The following ATRNL1 variants were observed in gnomAD, a reference collection of about 807,000 sequenced individuals.
ATRNL1 encodes the protein attractin-like protein 1.
A neutral mutation model predicts 182.7 loss-of-function variants in ATRNL1; 95 were observed. That is an observed-to-expected ratio of 0.52 (90% CI 0.44 to 0.62). The LOEUF (loss-of-function observed/expected upper bound fraction) is 0.62. Among genes scored for constraint, ATRNL1 ranks in the 20% least tolerant of loss-of-function variants. ATRNL1 has a pLI of 0.00. For synonymous variants in ATRNL1, 576 were observed against 568.3 expected, an observed-to-expected ratio of 1.01 and a Z score of -0.19; for missense variants, 1,471 against 1,679.5, an observed-to-expected ratio of 0.88 and a Z score of 2.17.
chr10:115,394,524 A>G (rs1181957069), intron 19 of ATRNL1, 135 bp from the exon 20 acceptor site: 4 of 664,400 alleles, frequency 6.0e-6, no homozygotes, highest in Admixed American at 2.7e-5. Flanking sequence ...AATTTATACT[A>G]TCTGGTAACC....
chr10:115,563,909 A>G (rs1555000636), intron 26 of ATRNL1, among the ~76,000 whole-genome samples: 2 of 152,052 alleles, frequency 1.3e-5, no homozygotes, highest in Admixed American at 6.6e-5. Context: ...AAATAATATA[A>G]TTAGAAAAAA....
At chr10:115,624,809 TAAG>T (rs1555024143) in intron 26 of ATRNL1, among the ~76,000 whole-genome samples, 3 of 152,174 alleles carry the variant, frequency 2.0e-5, no homozygotes, top group African/African-American at 4.8e-5. Context: ...TAGGGGGTGA[TAAG>T]GAGATTATCT....
chr10:115,201,774 A>T (rs1490915840), intron 8 of ATRNL1, among the ~76,000 whole-genome samples: 1 of 152,126 alleles, frequency 6.6e-6, no homozygotes, highest in African/African-American at 2.4e-5. Flanking sequence ...GAAGAAAGTC[A>T]TTGGTAGCTT....
At chr10:115,601,870 A>G (rs1173873029) in intron 26 of ATRNL1, among the ~76,000 whole-genome samples, 1 of 151,994 alleles carries the variant, frequency 6.6e-6, no homozygotes, top group Non-Finnish European at 1.5e-5. Flanking sequence ...TAATGTAATT[A>G]TCTATACTAT....
At chr10:115,937,218 G>C (rs1209208982) in intron 28 of ATRNL1, among the ~76,000 whole-genome samples, 1 of 152,160 alleles carries the variant, frequency 6.6e-6, no homozygotes, top group Non-Finnish European at 1.5e-5. Flanking sequence ...TCTATAACTT[G>C]AGCAGTGTGT....
intron 19 of ATRNL1, among the ~76,000 whole-genome samples, chr10:115,339,187 T>C (rs1370495979): frequency 6.6e-6 from 1 of 152,136 alleles, no homozygotes. Context: ...TTTGGATAGC[T>C]TTGGCTATTC....
intron 25 of ATRNL1, among the ~76,000 whole-genome samples, chr10:115,531,603 C>A (rs1366778895): frequency 6.7e-6 from 1 of 150,280 alleles, no homozygotes; most frequent in Non-Finnish European, 1.5e-5. Flanking sequence ...ATGGTAGTTT[C>A]TTTTGCTGTG....
intron 26 of ATRNL1, among the ~76,000 whole-genome samples, chr10:115,626,420 T>C (rs1266241391): frequency 6.6e-6 from 1 of 152,206 alleles, no homozygotes; most frequent in Non-Finnish European, 1.5e-5. Context: ...TACTTTATTT[T>C]TGGGCATATT....
intron 26 of ATRNL1, among the ~76,000 whole-genome samples, chr10:115,641,033 T>C (rs1465057024): frequency 6.6e-6 from 1 of 152,168 alleles, no homozygotes; most frequent in Non-Finnish European, 1.5e-5. Flanking sequence ...TAGGGAATCC[T>C]TTCCCCATTG....
rs141690369 is a variant in ATRNL1 at position 115,345,530 on chromosome 10, C to T, written c.3175+11111C>T. On this transcript the variant is annotated intron_variant, in intron 19 of 28. Coordinates refer to ENST00000355044, the MANE Select transcript of ATRNL1 (RefSeq NM_207303.4). ...GAATTTTTAAGAAATCACTTCAGTG[C>T]CTCTTTCACTGATAGAAGTTAACAC... Among the ~76,000 whole-genome samples the T allele has an allele frequency of 2.6e-5, 4 of 152,268 alleles. No individual in the cohort carries two copies. In the East Asian group the frequency reaches 5.8e-4, roughly 22 times the overall value.
chr10:115,198,811 C>A (rs1476147192), intron 8 of ATRNL1, among the ~76,000 whole-genome samples: 1 of 152,134 alleles, frequency 6.6e-6, no homozygotes, highest in Non-Finnish European at 1.5e-5. Context: ...AGTTAATTGA[C>A]TATAAATGTG....
intron 21 of ATRNL1, among the ~76,000 whole-genome samples, chr10:115,444,511 G>C (rs936075876): frequency 6.6e-6 from 1 of 151,590 alleles, no homozygotes; most frequent in Non-Finnish European, 1.5e-5. Context: ...AGACAACTTT[G>C]TTTTCTTTTT....
chr10:115,736,218 T>C (rs1333802097), intron 27 of ATRNL1, among the ~76,000 whole-genome samples: 3 of 152,164 alleles, frequency 2.0e-5, no homozygotes, highest in Non-Finnish European at 4.4e-5. Context: ...TTCTATCTCC[T>C]TCTCAATGCT....
intron 8 of ATRNL1, among the ~76,000 whole-genome samples, chr10:115,201,293 G>A (rs1592249754): frequency 6.6e-6 from 1 of 152,040 alleles, no homozygotes; most frequent in African/African-American, 2.4e-5. Context: ...TTTTAGACAT[G>A]AAGTCCTTGC....
chr10:115,212,299 TAA>T (rs1328007463), intron 8 of ATRNL1, among the ~76,000 whole-genome samples: 1 of 129,948 alleles, frequency 7.7e-6, no homozygotes, highest in African/African-American at 2.8e-5. Context: ...AGTTTTTTTT[TAA>T]CTTTTTTTTT....
chr10:115,449,736 T>C (rs1847193880), intron 21 of ATRNL1, among the ~76,000 whole-genome samples: 2 of 152,148 alleles, frequency 1.3e-5, no homozygotes, highest in Admixed American at 1.3e-4. Flanking sequence ...AGCTGTGGGC[T>C]GAGTAAGTGA....
intron 5 of ATRNL1, among the ~76,000 whole-genome samples, chr10:115,137,331 A>G (rs1194062417): frequency 6.6e-6 from 1 of 152,250 alleles, no homozygotes; most frequent in Non-Finnish European, 1.5e-5. Flanking sequence ...TAGAATTCTC[A>G]TTGTAATAGA....
chr10:115,579,053 T>C (rs1854904907), intron 26 of ATRNL1, among the ~76,000 whole-genome samples: 1 of 140,470 alleles, frequency 7.1e-6, no homozygotes, highest in Non-Finnish European at 1.6e-5. Context: ...ATACCATTGT[T>C]GTCAGAAAAG....
intron 27 of ATRNL1, among the ~76,000 whole-genome samples, chr10:115,798,138 C>T (rs1056458192): frequency 2.6e-5 from 4 of 152,046 alleles, no homozygotes; most frequent in Non-Finnish European, 4.4e-5. Context: ...AGGATGGTCT[C>T]GATCTCCTGA....
Sources: allele counts gnomAD v4.1 joint callset (sites outside exome capture counted in the v4.1 genomes callset), GRCh38; gene constraint gnomAD v4.1.1; transcripts MANE v1.5; gene names NCBI Gene and HGNC (gene_info 2026-07-23, HGNC 2026-07-21).